The following KIF9 variants were observed in gnomAD, a reference collection of about 807,000 sequenced individuals.
The protein encoded by KIF9 is kinesin family member 9, also known as kinesin-like protein KIF9.
In KIF9, 68 loss-of-function variants were observed where a neutral mutation model predicts 94.8. That is an observed-to-expected ratio of 0.72 (90% CI 0.59 to 0.88). The LOEUF (loss-of-function observed/expected upper bound fraction) is 0.88, where lower values mean the gene tolerates loss of function less well. Among genes scored for constraint, KIF9 ranks in the 40% least tolerant of loss-of-function variants. KIF9 has a pLI of 0.00. For synonymous variants in KIF9, 343 were observed against 362.1 expected, an observed-to-expected ratio of 0.95 and a Z score of 0.60; for missense variants, 882 against 982.5, an observed-to-expected ratio of 0.90 and a Z score of 1.37.
intron 20 of KIF9, among the ~76,000 whole-genome samples, chr3:47,231,266 C>T (rs1471697730): frequency 3.3e-5 from 5 of 152,124 alleles, no homozygotes; most frequent in South Asian, 4.2e-4. Context: ...CAGAAAAGAA[C>T]GTCTTCAACC....
At chr3:47,271,094 T>C (rs956867111) in intron 5 of KIF9, 143 bp downstream of exon 5, 12 of 639,300 alleles carry the variant, frequency 1.9e-5, no homozygotes, top group African/African-American at 1.1e-4. Context: ...CAGTGAGCCA[T>C]GTTCATGCCA....
At position 47,237,589 on chromosome 3, in the gene KIF9, C is replaced by T. The variant is rs1466593469; in HGVS notation, c.1925-970G>A. Among the ~76,000 whole-genome samples, 4 of 152,200 alleles carry T rather than the reference C, an allele frequency of 2.6e-5. No homozygotes were observed. In the East Asian group the frequency reaches 7.7e-4, roughly 29 times the overall value. On this transcript the variant is annotated intron_variant, in intron 17 of 20. Coordinates refer to ENST00000684063, the MANE Select transcript of KIF9 (RefSeq NM_182902.4). ...GCCATTCACCCTGCTCTCCACTGCT[C>T]ACAGCACCTGAAAGCTTAGCAAAGG...
chr3:47,236,511 C>G lies in KIF9; in HGVS notation c.2033G>C (p.Arg678Pro). The change falls in exon 18 of 21, where the codon CGT becomes CCT. Residue 678 changes from arginine (R) to proline (P), a missense_variant. Coordinates refer to ENST00000684063, the MANE Select transcript of KIF9 (RefSeq NM_182902.4). Reference protein sequence around the residue: ...KQYRSEYQDLRDLRAEIQYCQ... With the variant: ...KQYRSEYQDLPDLRAEIQYCQ... ...ATACTGGATCTCAGCCCTGAGGTCA[C>G]GCAGGTCCTGGTACTCGCTGCGGTA... is the stretch of plus-strand genomic sequence containing the variant. 1 of 1,614,014 alleles carries G rather than the reference C, an allele frequency of 6.2e-7. No homozygotes were observed. The highest frequency in any genetic ancestry group is 2.2e-5 in the East Asian group (1 of 44,892).
At chr3:47,230,295 A>AT (rs1698465048) in intron 20 of KIF9, among the ~76,000 whole-genome samples, 1 of 150,726 alleles carries the variant, frequency 6.6e-6, no homozygotes, top group Admixed American at 6.6e-5. Flanking sequence ...AAAAAAAAAA[A>AT]GGCTGGGTGC....
chr3:47,251,411 A>T (rs1259719535), intron 10 of KIF9, among the ~76,000 whole-genome samples: 1 of 152,120 alleles, frequency 6.6e-6, no homozygotes, highest in Admixed American at 6.6e-5. Flanking sequence ...ACTAAAAATA[A>T]AAAATAGCTG....
At position 47,245,479 on chromosome 3, in the gene KIF9, C is replaced by T. The variant is rs141902888; in HGVS notation, c.1322G>A (p.Arg441His). Residue 441 changes from arginine (R) to histidine (H), a missense_variant, in exon 14 of 21, where the codon CGC becomes CAC. Transcript: ENST00000684063. ...QQEQEVESTL[R>H]RKYTLIDRND... is the part of the protein sequence containing the mutation. ...CCTGTCAATGAGGGTGTACTTCCTGCGCAAAGTGGACTCCACTTCCTGTTC... is the reference window on the plus strand; with the variant it reads ...CCTGTCAATGAGGGTGTACTTCCTGTGCAAAGTGGACTCCACTTCCTGTTC... 1.2e-5 allele frequency: 19 copies of T among 1,613,766 alleles called. No homozygotes were observed. The highest frequency in any genetic ancestry group is 3.3e-5 in the Admixed American group (2 of 59,992).
intron 8 of KIF9, among the ~76,000 whole-genome samples, chr3:47,264,917 C>G (rs1299004327): frequency 6.6e-6 from 1 of 152,230 alleles, no homozygotes; most frequent in Non-Finnish European, 1.5e-5. Flanking sequence ...CCCTCTCTTT[C>G]TTTCCATGTG....
intron 4 of KIF9, among the ~76,000 whole-genome samples, chr3:47,271,825 A>G (rs1701665540): frequency 6.6e-6 from 1 of 152,182 alleles, no homozygotes; most frequent in African/African-American, 2.4e-5. Context: ...GCACTACAAA[A>G]TAAAATTATT....
chr3:47,267,346 G>T, intron 5 of KIF9, 83 bp from the exon 6 acceptor site: 2 of 956,414 alleles, frequency 2.1e-6, no homozygotes, highest in Non-Finnish European at 3.4e-6. Flanking sequence ...TATACCAATA[G>T]CTACACAAGT....
chr3:47,244,051 A>G (rs934383267), intron 15 of KIF9: 2 of 152,208 alleles, frequency 1.3e-5, no homozygotes, highest in Non-Finnish European at 2.9e-5. Context: ...ACAGTTTTCT[A>G]CAATCAGCTC....
At position 47,264,342 on chromosome 3, in the gene KIF9, A is replaced by G; in HGVS notation, c.925T>C (p.Cys309Arg). 1 of 1,613,566 alleles carries G rather than the reference A, an allele frequency of 6.2e-7. No homozygotes were observed. Among genetic ancestry groups the G allele is most frequent in the Non-Finnish European group, 8.5e-7 (1 of 1,179,496 alleles). Reference protein sequence around the residue: ...HALKDSLGGNCNMVLVTNIYG... With the variant: ...HALKDSLGGNRNMVLVTNIYG... ...ATGTTTGTCACGAGGACCATATTGC[A>G]GTTTCCCCCTGCGGAAAGCAAGACA... Residue 309 changes from cysteine to arginine, a missense_variant, in exon 9 of 21, where the codon TGC becomes CGC. Transcript: ENST00000684063.
chr3:47,258,117 A>C (rs533784388), intron 9 of KIF9, among the ~76,000 whole-genome samples: 1 of 152,352 alleles, frequency 6.6e-6, no homozygotes, highest in South Asian at 2.1e-4. Context: ...CATACATGTA[A>C]TTTTATATTT....
intron 2 of KIF9, among the ~76,000 whole-genome samples, chr3:47,276,555 CAAAAAAAAAA>C (rs752825599): frequency 3.4e-5 from 2 of 58,720 alleles, no homozygotes; most frequent in African/African-American, 6.3e-5. Flanking sequence ...GACTCTGTCT[CAAAAAAAAAA>C]AAAAAAAAAG....
At chr3:47,243,476 G>A in intron 15 of KIF9, 1 of 382,586 alleles carries the variant, frequency 2.6e-6, no homozygotes, top group Middle Eastern at 6.9e-4. Flanking sequence ...GCCCTCGGTG[G>A]TCTTGGCAGG....
At chr3:47,278,336 A>G (rs1020244678) in intron 1 of KIF9, among the ~76,000 whole-genome samples, 15 of 152,150 alleles carry the variant, frequency 9.9e-5, no homozygotes, top group African/African-American at 3.6e-4. Context: ...TTAGACTTCC[A>G]AAGTGCTGGG....
chr3:47,275,465 T>C lies in KIF9; in HGVS notation c.119A>G (p.Asp40Gly). The change falls in exon 3 of 21, where the codon GAC becomes GGC. Residue 40 changes from aspartate (D) to glycine (G), a missense_variant. By Grantham distance (94) the Asp-to-Gly change is moderately conservative. Coordinates refer to ENST00000684063, the MANE Select transcript of KIF9 (RefSeq NM_182902.4). ...KRSIDIHLKKDIRRGVVNNQQ... is the reference protein window; with the variant it reads ...KRSIDIHLKKGIRRGVVNNQQ... ...GTTATTGACAACTCCTCTCCGAATG[T>C]CTTTTTTTAAGTGAATATCAATGCT... 1 of 1,609,654 alleles carries C rather than the reference T, an allele frequency of 6.2e-7. No individual in the cohort carries two copies. Among genetic ancestry groups the C allele is most frequent in the Non-Finnish European group, 8.5e-7 (1 of 1,178,724 alleles).
intron 1 of KIF9, among the ~76,000 whole-genome samples, chr3:47,281,493 G>A (rs894653571): frequency 1.3e-5 from 2 of 152,084 alleles, no homozygotes; most frequent in African/African-American, 4.8e-5. Context: ...GACTACAGGC[G>A]TGCACCACCA....
rs149000694 is a variant in KIF9, at chr3:47,264,677, A to G, written c.917-327T>C. Among the ~76,000 whole-genome samples the G allele has an allele frequency of 4.2e-3, 643 of 152,274 alleles. 3 individuals are homozygous for G. Among genetic ancestry groups the G allele is most frequent in the Non-Finnish European group, 6.6e-3 (446 of 68,018 alleles). On this transcript the variant is annotated intron_variant, in intron 8 of 20. Coordinates refer to ENST00000684063, the MANE Select transcript of KIF9 (RefSeq NM_182902.4). ...GGTCTTGAACTCCTGGCCTCAAGCG[A>G]TCCTCCTGTCTCAGCCTCCCAAAAT...
Position 47,265,888 on chromosome 3 carries a change from A to C in KIF9, c.769-11T>G, listed in dbSNP as rs1173578642. The C allele has an allele frequency of 6.2e-7, 1 of 1,614,096 alleles. No individual in the cohort carries two copies. The highest frequency in any genetic ancestry group is 2.2e-5 in the East Asian group (1 of 44,882). Reference sequence around the variant, plus strand: ...GACTTGGCCCTCAGACTACAAAGCAAAGGTCAGTTCCACTTTGGATGGAAT... The same window carrying C: ...GACTTGGCCCTCAGACTACAAAGCACAGGTCAGTTCCACTTTGGATGGAAT... On this transcript the variant is annotated splice_polypyrimidine_tract_variant and intron_variant, in intron 7 of 20. Coordinates refer to ENST00000684063, the MANE Select transcript of KIF9 (RefSeq NM_182902.4).
Sources: gnomAD v4.1 joint callset for allele counts (sites outside exome capture counted in the v4.1 genomes callset) on GRCh38, gnomAD v4.1.1 for gene constraint, MANE v1.5 for transcripts, NCBI Gene and HGNC (gene_info 2026-07-23, HGNC 2026-07-21) for gene names.